PLD1: variants seen among roughly 807,000 people sequenced by gnomAD.
PLD1 encodes the protein choline phosphatase 1.
Under a neutral mutation model 137.1 loss-of-function variants are expected in PLD1, and 112 were observed. That is an observed-to-expected ratio of 0.82 (90% CI 0.70 to 0.96). The LOEUF is 0.96. PLD1 is among the 40% of genes least tolerant of loss of function. The pLI is 0.00. For missense variants in PLD1, 1,321 were observed against 1,342.0 expected (o/e 0.98, Z 0.24); for synonymous variants, 431 against 454.7 (o/e 0.95, Z 0.66).
intron 6 of PLD1, among the ~76,000 whole-genome samples, chr3:171,728,240 C>T (rs1160024106): frequency 2.6e-5 from 4 of 152,106 alleles, no homozygotes; most frequent in Non-Finnish European, 2.9e-5. Context: ...CACTTGAACC[C>T]GGGAGGCAGA....
Position 171,735,539 on chromosome 3 carries a change from C to G in PLD1, c.387G>C (p.Glu129Asp), listed in dbSNP as rs1470026509. The G allele has an allele frequency of 1.2e-6, 2 of 1,613,300 alleles. No homozygotes were observed. Among genetic ancestry groups the G allele is most frequent in the Non-Finnish European group, 1.7e-6 (2 of 1,179,228 alleles). ...KFKHFQEFHR[E>D]LLKYKAFIRI... is the part of the protein sequence containing the mutation. ...GGATAAAGGCTTTGTACTTGAGCAG[C>G]TCTCTGTGAAATTCTTGAAAATGCT... is the stretch of plus-strand genomic sequence containing the variant. Residue 129 changes from glutamate to aspartate, a missense_variant, in exon 4 of 27, where the codon GAG (glutamate) becomes GAC (aspartate). Physicochemically the swap from Glu to Asp is conservative, Grantham distance 45. Transcript: ENST00000351298.
chr3:171,623,535 G>A (rs1733826486), intron 23 of PLD1, among the ~76,000 whole-genome samples: 1 of 151,380 alleles, frequency 6.6e-6, no homozygotes, highest in Non-Finnish European at 1.5e-5. Flanking sequence ...TGTTAGCCAG[G>A]ATGGTCTCGA....
intron 11 of PLD1, among the ~76,000 whole-genome samples, chr3:171,706,582 G>A (rs1277047502): frequency 6.6e-6 from 1 of 151,778 alleles, no homozygotes; most frequent in Non-Finnish European, 1.5e-5. Context: ...TTTTTCTTTT[G>A]TATTCTCCTG....
chr3:171,735,795 A>C (rs190634160), intron 3 of PLD1, among the ~76,000 whole-genome samples, 158 bp from the exon 4 acceptor site: 9 of 152,348 alleles, frequency 5.9e-5, no homozygotes, highest in African/African-American at 2.2e-4. Flanking sequence ...AAAGCAGCCA[A>C]TTGCAGAAAT....
chr3:171,801,921 T>G (rs1429558691), intron 1 of PLD1, among the ~76,000 whole-genome samples: 4 of 152,220 alleles, frequency 2.6e-5, no homozygotes, highest in African/African-American at 9.6e-5. Context: ...CAGATGCAAC[T>G]GAAACAAGTT....
Position 171,686,684 on chromosome 3 carries a change from C to G in PLD1, c.1867+1G>C. 1.3e-6 allele frequency: 2 copies of G among 1,492,994 alleles called. No individual in the cohort carries two copies. Among genetic ancestry groups the G allele is most frequent in the Non-Finnish European group, 1.9e-6 (2 of 1,079,776 alleles). 92.5% of individuals were successfully genotyped at this position (1,492,994 alleles called of 1,614,324 possible). A position where few individuals can be genotyped will look rare whatever the true frequency, so the allele number is the denominator to read the frequency against. The stretch of plus-strand genomic sequence containing the variant: ...GTTCTGCCACTTCACAAATTACTTA[C>G]CAGCATGAGGTCTAGTGAGTCCTTG... On this transcript the variant is annotated splice_donor_variant, in intron 16 of 26. Transcript: ENST00000351298. LOFTEE classifies it high-confidence loss of function.
chr3:171,727,958 T>A (rs1488308499), intron 6 of PLD1, among the ~76,000 whole-genome samples: 1 of 152,210 alleles, frequency 6.6e-6, no homozygotes, highest in Non-Finnish European at 1.5e-5. Flanking sequence ...AAATATCTTT[T>A]TAAAATCCTA....
chr3:171,607,962 GA>G (rs540566690), intron 25 of PLD1, among the ~76,000 whole-genome samples: 16 of 152,104 alleles, frequency 1.1e-4, no homozygotes, highest in African/African-American at 3.6e-4. Flanking sequence ...TTTTTTAAGT[GA>G]AAAAAATGGT....
At chr3:171,664,801 G>A (rs1387744254) in intron 19 of PLD1, among the ~76,000 whole-genome samples, 1 of 152,064 alleles carries the variant, frequency 6.6e-6, no homozygotes, top group African/African-American at 2.4e-5. Context: ...AGGTGTAAGA[G>A]AATTTACATA....
At position 171,757,975 on chromosome 3, in the gene PLD1, A is replaced by G. The variant is rs148149049; in HGVS notation, c.-31-19893T>C. Among the ~76,000 whole-genome samples the G allele has an allele frequency of 1.8e-4, 28 of 152,342 alleles. 1 individual carries two copies. The East Asian group carries it at 5.4e-3, about 29-fold the overall frequency. On this transcript the variant is annotated intron_variant, in intron 1 of 26. Coordinates refer to ENST00000351298, the MANE Select transcript of PLD1 (RefSeq NM_002662.5). ...AAAGGGCACTGGCCCTGGAGTCAAA[A>G]GTTTTAGATCTTAGCTCAACTCTGG...
At chr3:171,714,812 G>T (rs1381901998) in intron 8 of PLD1, among the ~76,000 whole-genome samples, 2 of 151,864 alleles carry the variant, frequency 1.3e-5, no homozygotes, top group Non-Finnish European at 2.9e-5. Flanking sequence ...GTGGATTTAG[G>T]ATAACTTATA....
chr3:171,629,548 T>C (rs1173734707), intron 23 of PLD1, among the ~76,000 whole-genome samples: 1 of 152,154 alleles, frequency 6.6e-6, no homozygotes, highest in Admixed American at 6.5e-5. Flanking sequence ...AGAGCCCGCA[T>C]TGCCAAGTCA....
At chr3:171,719,797 T>C (rs910445390) in intron 8 of PLD1, among the ~76,000 whole-genome samples, 7 of 152,222 alleles carry the variant, frequency 4.6e-5, no homozygotes, top group Non-Finnish European at 8.8e-5. Flanking sequence ...GTAGGATCTC[T>C]GTTTGTCTTT....
At chr3:171,659,147 G>T in intron 21 of PLD1, 66 bp downstream of exon 21, 2 of 1,117,616 alleles carry the variant, frequency 1.8e-6, no homozygotes, top group Non-Finnish European at 2.7e-6. Flanking sequence ...AATGGGCTTT[G>T]CAAAGTCATT....
At chr3:171,741,138 C>T (rs1719747211) in intron 1 of PLD1, among the ~76,000 whole-genome samples, 1 of 152,222 alleles carries the variant, frequency 6.6e-6, no homozygotes, top group Non-Finnish European at 1.5e-5. Context: ...ATCTCAACAG[C>T]TTCCTGAGTT....
At chr3:171,721,995 T>C (rs1218923925) in intron 8 of PLD1, among the ~76,000 whole-genome samples, 1 of 152,190 alleles carries the variant, frequency 6.6e-6, no homozygotes, top group Admixed American at 6.5e-5. Flanking sequence ...ATTTTGAATA[T>C]ACACATAGCT....
rs1733508265 is a variant in PLD1, at chr3:171,620,580, A to G, written c.2594-60T>C. The G allele has an allele frequency of 4.0e-6, 4 of 1,009,448 alleles. No individual in the cohort carries two copies. In the African/African-American group the frequency reaches 6.4e-5, roughly 16 times the overall value. 62.5% of individuals were successfully genotyped at this position (1,009,448 alleles called of 1,614,324 possible). A position where few individuals can be genotyped will look rare whatever the true frequency, so the allele number is the denominator to read the frequency against. On this transcript the variant is annotated intron_variant, in intron 23 of 26. Coordinates refer to ENST00000351298, the MANE Select transcript of PLD1 (RefSeq NM_002662.5). ...TGACCAAGCTCAATAAACGTACATTAAATCTTATTGTTTCTCAAAACATAC... is the reference window on the plus strand; with the variant it reads ...TGACCAAGCTCAATAAACGTACATTGAATCTTATTGTTTCTCAAAACATAC...
intron 1 of PLD1, among the ~76,000 whole-genome samples, chr3:171,774,404 A>C (rs551250261): frequency 6.6e-6 from 1 of 152,162 alleles, no homozygotes; most frequent in Non-Finnish European, 1.5e-5. Flanking sequence ...GGTGGGGGAC[A>C]TTGGAGGGAC....
At chr3:171,633,362 TA>T (rs1734837084) in intron 23 of PLD1, among the ~76,000 whole-genome samples, 2 of 152,052 alleles carry the variant, frequency 1.3e-5, no homozygotes, top group Non-Finnish European at 2.9e-5. Flanking sequence ...GATGAACAAG[TA>T]TAAGAAAGAG....
Sources: allele counts gnomAD v4.1 joint callset (sites outside exome capture counted in the v4.1 genomes callset), GRCh38; gene constraint gnomAD v4.1.1; transcripts MANE v1.5; gene names NCBI Gene and HGNC (gene_info 2026-07-23, HGNC 2026-07-21).